Variants in TTLL11 observed in about 807,000 individuals in gnomAD.
The protein encoded by TTLL11 is tubulin tyrosine ligase like 11, also known as tubulin polyglutamylase TTLL11.
A neutral mutation model predicts 51.7 loss-of-function variants in TTLL11; 42 were observed. The observed-to-expected ratio is 0.81, with a 90% CI of 0.64 to 1.05. TTLL11 has a LOEUF of 1.05. TTLL11 is among the 50% of genes least tolerant of loss of function. The pLI is 0.00. For missense variants in TTLL11, 799 were observed against 940.4 expected (o/e 0.85, Z 1.97); for synonymous variants, 381 against 383.5 (o/e 0.99, Z 0.08).
intron 6 of TTLL11, among the ~76,000 whole-genome samples, chr9:121,930,964 G>C (rs928083615): frequency 1.2e-4 from 19 of 152,224 alleles, no homozygotes; most frequent in African/African-American, 4.6e-4. Context: ...TCAGCTGGCT[G>C]TACACAGTGA....
At chr9:122,007,475 CA>C (rs59238464) in intron 3 of TTLL11, among the ~76,000 whole-genome samples, 1,579 of 94,712 alleles carry the variant, frequency 0.017, 24 homozygotes, top group African/African-American at 0.056. Flanking sequence ...AATTCCATCT[CA>C]AAAAAAAAAA....
At chr9:122,062,364 C>T (rs1398612832) in intron 1 of TTLL11, among the ~76,000 whole-genome samples, 1 of 151,866 alleles carries the variant, frequency 6.6e-6, no homozygotes, top group Non-Finnish European at 1.5e-5. Context: ...TAGATATGAC[C>T]TACGACTTGG....
intron 1 of TTLL11, among the ~76,000 whole-genome samples, chr9:122,084,938 C>T (rs369416003): frequency 3.3e-4 from 50 of 152,210 alleles, no homozygotes; most frequent in African/African-American, 1.1e-3. Context: ...ACGAGTTTCC[C>T]GTGGCGATGT....
intron 3 of TTLL11, among the ~76,000 whole-genome samples, chr9:122,022,053 A>T (rs1844197730): frequency 6.6e-6 from 1 of 152,240 alleles, no homozygotes; most frequent in Admixed American, 6.5e-5. Context: ...GAAAAAAATG[A>T]GTGAATGTGA....
intron 4 of TTLL11, among the ~76,000 whole-genome samples, chr9:121,980,194 A>AT (rs148269228): frequency 0.067 from 10,121 of 151,544 alleles, 685 homozygotes; most frequent in African/African-American, 0.17. Context: ...TTCTTTTTTC[A>AT]TTTTTTTTCA....
rs1023386889 is a variant in TTLL11, at chr9:122,093,114, G to A, written c.35C>T (p.Ala12Val). The change falls in exon 1 of 9, where the codon GCC (alanine) becomes GTC (valine). Residue 12 changes from alanine to valine, a missense_variant. Physicochemically the swap from Ala to Val is moderately conservative, Grantham distance 64. Coordinates refer to ENST00000321582, the MANE Select transcript of TTLL11 (RefSeq NM_001139442.2). ...RRGSSESELA[A>V]RWEAEAVAAA... ...AGCCACCGCCTCCGCCTCCCACCGG[G>A]CCGCCAGCTCGCTCTCGGAGCTGCC... 2.2e-5 allele frequency: 33 copies of A among 1,495,828 alleles called. No individual in the cohort carries two copies. Among genetic ancestry groups the A allele is most frequent in the Middle Eastern group, 4.6e-4 (2 of 4,368 alleles). 92.7% of individuals were successfully genotyped at this position (1,495,828 alleles called of 1,614,324 possible).
chr9:122,001,227 C>T (rs904971000), intron 3 of TTLL11, among the ~76,000 whole-genome samples: 1 of 152,118 alleles, frequency 6.6e-6, no homozygotes, highest in African/African-American at 2.4e-5. Flanking sequence ...TCCCGAGTAG[C>T]TGGGATTACA....
intron 6 of TTLL11, among the ~76,000 whole-genome samples, chr9:121,874,232 C>T (rs746466061): frequency 1.8e-4 from 27 of 152,232 alleles, no homozygotes; most frequent in East Asian, 3.9e-4. Context: ...TGAACTCAAG[C>T]GATCCTCCTG....
intron 6 of TTLL11, among the ~76,000 whole-genome samples, chr9:121,971,746 G>GAAAAAAAAAAGAA (rs1842584087): frequency 1.0e-5 from 1 of 97,878 alleles, no homozygotes; most frequent in Admixed American, 1.1e-4. Context: ...TCTGCCTTGG[G>GAAAAAAAAAAGAA]AAAAAAAAAA....
chr9:122,040,058 C>G (rs915829884), intron 1 of TTLL11, among the ~76,000 whole-genome samples: 2 of 151,528 alleles, frequency 1.3e-5, no homozygotes, highest in Admixed American at 1.3e-4. Flanking sequence ...TTCCAGGAAT[C>G]TGGAAATCAG....
At chr9:122,037,613 T>G (rs1283154100) in intron 2 of TTLL11, among the ~76,000 whole-genome samples, 1 of 152,196 alleles carries the variant, frequency 6.6e-6, no homozygotes, top group African/African-American at 2.4e-5. Flanking sequence ...AGGCATACTA[T>G]GGAGCAGTTC....
At chr9:122,036,916 C>T (rs1225579856) in intron 2 of TTLL11, among the ~76,000 whole-genome samples, 1 of 152,096 alleles carries the variant, frequency 6.6e-6, no homozygotes. Context: ...GTCATTAGAA[C>T]TAATTAATTT....
chr9:122,084,830 T>C (rs901459515), intron 1 of TTLL11, among the ~76,000 whole-genome samples: 13 of 152,190 alleles, frequency 8.5e-5, no homozygotes, highest in African/African-American at 3.1e-4. Context: ...AAAATTTGTA[T>C]CTTTTCCACA....
chr9:121,857,911 T>C (rs950115495), intron 8 of TTLL11, among the ~76,000 whole-genome samples: 25 of 152,288 alleles, frequency 1.6e-4, no homozygotes, highest in African/African-American at 6.0e-4. Flanking sequence ...CTACTCCTGA[T>C]CAATTTCAAT....
chr9:121,934,357 A>G (rs971669273), intron 6 of TTLL11, among the ~76,000 whole-genome samples: 1 of 152,226 alleles, frequency 6.6e-6, no homozygotes, highest in African/African-American at 2.4e-5. Context: ...TGATTTATAT[A>G]GCTCTTCCGA....
intron 6 of TTLL11, among the ~76,000 whole-genome samples, chr9:121,907,060 A>G (rs1839973045): frequency 2.0e-5 from 3 of 152,188 alleles, no homozygotes. Context: ...CACTAGAAGC[A>G]AGGAGCCTCC....
At chr9:122,063,114 C>T (rs1285197820) in intron 1 of TTLL11, among the ~76,000 whole-genome samples, 8 of 152,148 alleles carry the variant, frequency 5.3e-5, no homozygotes, top group Non-Finnish European at 8.8e-5. Flanking sequence ...TTAATTGCTC[C>T]TTTGCCCGAA....
chr9:121,982,845 C>T (rs758999281), intron 4 of TTLL11, among the ~76,000 whole-genome samples: 52 of 151,854 alleles, frequency 3.4e-4, no homozygotes, highest in Non-Finnish European at 8.8e-5. Context: ...CGGAGAGTGG[C>T]GGAAGATGAG....
intron 6 of TTLL11, among the ~76,000 whole-genome samples, chr9:121,892,595 A>G (rs1839288275): frequency 6.6e-6 from 1 of 152,154 alleles, no homozygotes; most frequent in South Asian, 2.1e-4. Flanking sequence ...ACAATTCAAG[A>G]TGAGATTTGG....
Sources: gnomAD v4.1 joint callset for allele counts (sites outside exome capture counted in the v4.1 genomes callset) on GRCh38, gnomAD v4.1.1 for gene constraint, MANE v1.5 for transcripts, NCBI Gene and HGNC (gene_info 2026-07-23, HGNC 2026-07-21) for gene names.